Variants in PDE12 observed in about 807,000 individuals in gnomAD.
PDE12 encodes 2',5'-phosphodiesterase 12.
PDE12 carries 26 observed loss-of-function variants against 45.4 expected under a neutral mutation model. That is an observed-to-expected ratio of 0.57 (90% CI 0.42 to 0.79). PDE12 has a LOEUF of 0.79. Ranked by LOEUF, PDE12 falls within the 30% of genes least tolerant of loss-of-function variation. The probability of loss-of-function intolerance (pLI) is 0.00; values close to 1 mark genes in which losing one functional copy is unlikely to be tolerated. For synonymous variants in PDE12, 283 were observed against 323.9 expected, an observed-to-expected ratio of 0.87 and a Z score of 1.36; for missense variants, 668 against 790.0, an observed-to-expected ratio of 0.85 and a Z score of 1.85.
At chr3:57,589,101 TCA>T in the PDE12 span, among the ~76,000 whole-genome samples, 1 of 59,228 alleles carries the variant, frequency 1.7e-5, no homozygotes, top group Non-Finnish European at 4.6e-5. Context: ...AAACTCCGTC[TCA>T]AAAAAAAAAA....
chr3:57,631,328 C>A, the PDE12 span: 1 of 194,010 alleles, frequency 5.2e-6, no homozygotes, highest in East Asian at 1.5e-4. Context: ...TCCCAAGCAG[C>A]TGGGATTACA....
At chr3:57,628,977 A>G in the PDE12 span, 5 of 1,113,530 alleles carry the variant, frequency 4.5e-6, no homozygotes, top group South Asian at 6.1e-5. Context: ...AAGGAAAGAC[A>G]AGAAGGAAAA....
At chr3:57,641,541 A>C in the PDE12 span, 1 of 797,216 alleles carries the variant, frequency 1.3e-6, no homozygotes, top group Non-Finnish European at 1.9e-6. Flanking sequence ...ACCCTTCTCC[A>C]AAGGCCTTGA....
At chr3:57,641,210 GTAA>G in the PDE12 span, among the ~76,000 whole-genome samples, 3 of 139,556 alleles carry the variant, frequency 2.1e-5, no homozygotes, top group African/African-American at 7.9e-5. Flanking sequence ...AAATATTTAA[GTAA>G]TAAAAATATA....
chr3:57,615,743 G>C, the PDE12 span, among the ~76,000 whole-genome samples: 2 of 152,020 alleles, frequency 1.3e-5, no homozygotes, highest in African/African-American at 4.8e-5. Flanking sequence ...GACGGAGGTT[G>C]CAGTGACCCA....
chr3:57,611,971 G>A, the PDE12 span, among the ~76,000 whole-genome samples: 1 of 152,058 alleles, frequency 6.6e-6, no homozygotes, highest in Non-Finnish European at 1.5e-5. Flanking sequence ...ATTCACAATA[G>A]CAAAGACTTG....
At chr3:57,600,478 C>T in the PDE12 span, among the ~76,000 whole-genome samples, 1 of 149,254 alleles carries the variant, frequency 6.7e-6, no homozygotes, top group Non-Finnish European at 1.5e-5. Context: ...CTTTTCCCTC[C>T]TCTCCCTTCC....
At chr3:57,628,249 A>G in the PDE12 span, 1 of 1,613,912 alleles carries the variant, frequency 6.2e-7, no homozygotes, top group South Asian at 1.1e-5. Flanking sequence ...ATGCCTTGCA[A>G]GTCCTCTGGC....
At chr3:57,594,479 A>G in the PDE12 span, among the ~76,000 whole-genome samples, 1 of 152,242 alleles carries the variant, frequency 6.6e-6, no homozygotes, top group Non-Finnish European at 1.5e-5. Context: ...CTGTCAATCA[A>G]TAGTTCAGAT....
At chr3:57,568,149 A>G (rs1230937072), downstream of PDE12, among the ~76,000 whole-genome samples, 18 of 152,042 alleles carry the variant, frequency 1.2e-4, no homozygotes, top group Admixed American at 1.2e-3. Context: ...CTCCATGACA[A>G]AGAACCAGGT....
At position 57,560,953 on chromosome 3, in the gene PDE12, C is replaced by A; in HGVS notation, c.*949C>A. The A allele has an allele frequency of 3.1e-6, 3 of 980,112 alleles. No homozygotes were observed. The highest frequency in any genetic ancestry group is 3.6e-6 in the Non-Finnish European group (3 of 824,764). The allele number at this position is 980,112 out of a possible 1,614,324, so 60.7% of individuals were successfully genotyped here. A position where few individuals can be genotyped will look rare whatever the true frequency, so the allele number is the denominator to read the frequency against. On this transcript the variant is annotated 3_prime_UTR_variant, in exon 3 of 3. Coordinates refer to ENST00000311180, the MANE Select transcript of PDE12 (RefSeq NM_177966.7). The stretch of plus-strand genomic sequence containing the variant: ...CCAATTGTTATTGCTTCTCATCTTT[C>A]ATTTTTCAATGAACAAGTAAGGTAT...
the PDE12 span, among the ~76,000 whole-genome samples, chr3:57,643,382 T>C: frequency 2.0e-5 from 3 of 152,152 alleles, no homozygotes. Flanking sequence ...TTCTATCTTC[T>C]ATGGGGCAAT....
At chr3:57,615,379 A>G in the PDE12 span, among the ~76,000 whole-genome samples, 1 of 152,194 alleles carries the variant, frequency 6.6e-6, no homozygotes, top group Admixed American at 6.5e-5. Flanking sequence ...CTTAGGGGGA[A>G]GTTTATAGCA....
At chr3:57,572,282 G>A in the PDE12 span, 1 of 1,613,918 alleles carries the variant, frequency 6.2e-7, no homozygotes, top group Non-Finnish European at 8.5e-7. Flanking sequence ...TGTTGCACAA[G>A]TGGCTTGAAC....
the PDE12 span, among the ~76,000 whole-genome samples, chr3:57,576,763 C>T: frequency 2.6e-5 from 4 of 152,026 alleles, no homozygotes; most frequent in Non-Finnish European, 5.9e-5. Flanking sequence ...AAACATTAAT[C>T]CAATCTATGG....
In PDE12 at chr3:57,563,398, A is replaced by G. The variant is rs2069747182; in HGVS notation, c.*3394A>G. ...TTAAGTTCTAGTGTACATGTGCCCA[A>G]CGTGCAGATTTGTTACATAGGTATA... On this transcript the variant is annotated 3_prime_UTR_variant, in exon 3 of 3. Coordinates refer to ENST00000311180, the MANE Select transcript of PDE12 (RefSeq NM_177966.7). 1.3e-5 allele frequency: 2 copies of G among 152,208 alleles called. No homozygotes were observed. The highest frequency in any genetic ancestry group is 1.9e-4 in the East Asian group (1 of 5,178). The allele number at this position is 152,208 out of a possible 1,614,324, so 9.4% of individuals were successfully genotyped here.
the PDE12 span, among the ~76,000 whole-genome samples, chr3:57,652,868 G>A: frequency 1.3e-5 from 2 of 152,164 alleles, no homozygotes; most frequent in Non-Finnish European, 2.9e-5. Context: ...GAAAGTCAGA[G>A]ACTAAAGAAC....
chr3:57,567,410 A>G (rs981969154), downstream of PDE12, among the ~76,000 whole-genome samples: 3 of 152,220 alleles, frequency 2.0e-5, no homozygotes, highest in Non-Finnish European at 4.4e-5. Flanking sequence ...TAACACATGA[A>G]GCCATACTGG....
the PDE12 span, chr3:57,630,766 G>C: frequency 3.1e-6 from 5 of 1,614,036 alleles, no homozygotes; most frequent in Non-Finnish European, 4.2e-6. Flanking sequence ...CTGAGGTCCT[G>C]TTTTCTCAAG....
Sources: gnomAD v4.1 joint callset for allele counts (sites outside exome capture counted in the v4.1 genomes callset) on GRCh38, gnomAD v4.1.1 for gene constraint, MANE v1.5 for transcripts, NCBI Gene and HGNC (gene_info 2026-07-23, HGNC 2026-07-21) for gene names.